Variants in OXCT1 observed in about 807,000 individuals in gnomAD.
OXCT1 encodes 3-oxoacid CoA-transferase 1.
OXCT1 carries 27 observed loss-of-function variants against 69.6 expected under a neutral mutation model. The ratio of observed to expected loss-of-function variants is 0.39; its 90% CI spans 0.29 to 0.54. OXCT1 has a LOEUF of 0.54. Among genes scored for constraint, OXCT1 ranks in the 20% least tolerant of loss-of-function variants. The pLI, the probability that OXCT1 is intolerant of heterozygous loss-of-function variation, is 0.72. For missense variants in OXCT1, 437 were observed against 650.2 expected (o/e 0.67, Z 3.57); for synonymous variants, 202 against 217.8 (o/e 0.93, Z 0.64).
At chr5:41,775,731 G>T (rs887626535) in intron 13 of OXCT1, among the ~76,000 whole-genome samples, 5 of 152,056 alleles carry the variant, frequency 3.3e-5, no homozygotes, top group African/African-American at 1.2e-4. Flanking sequence ...CTACTTAAGG[G>T]CCCACTGAGA....
At chr5:41,842,591 T>C in intron 6 of OXCT1, 84 bp downstream of exon 6, 6 of 974,712 alleles carry the variant, frequency 6.2e-6, no homozygotes, top group Non-Finnish European at 1.0e-5. Context: ...ATTACGAAAA[T>C]ACATTTTTAA....
chr5:41,857,436 G>C (rs1307155481), intron 3 of OXCT1, among the ~76,000 whole-genome samples: 2 of 152,110 alleles, frequency 1.3e-5, no homozygotes, highest in African/African-American at 4.8e-5. Flanking sequence ...TCCAACATCT[G>C]GACCTCAGAT....
At chr5:41,859,864 A>AATATATATATATATATATATATATATAT (rs3050894) in intron 3 of OXCT1, among the ~76,000 whole-genome samples, 3 of 120,108 alleles carry the variant, frequency 2.5e-5, no homozygotes, top group Non-Finnish European at 3.5e-5. Context: ...CTAGTATAGT[A>AATATATATATATATATATATATATATAT]ATATATATAT....
At chr5:41,787,179 A>T (rs577027467) in intron 13 of OXCT1, among the ~76,000 whole-genome samples, 1 of 152,358 alleles carries the variant, frequency 6.6e-6, no homozygotes, top group African/African-American at 2.4e-5. Flanking sequence ...ACTGACAAAG[A>T]TATTCTATTT....
intron 13 of OXCT1, among the ~76,000 whole-genome samples, chr5:41,767,234 T>C (rs2112122212): frequency 6.6e-6 from 1 of 152,316 alleles, no homozygotes; most frequent in South Asian, 2.1e-4. Flanking sequence ...TTTTCTGTGT[T>C]ACACTTTCTT....
intron 7 of OXCT1, among the ~76,000 whole-genome samples, chr5:41,828,987 T>C (rs1747955437): frequency 6.6e-6 from 1 of 152,140 alleles, no homozygotes; most frequent in Non-Finnish European, 1.5e-5. Context: ...TCAATCCTTG[T>C]AAGTAATAAC....
Position 41,731,411 on chromosome 5 carries a change from G to A in OXCT1, c.*318C>T. The A allele has an allele frequency of 9.5e-7, 1 of 1,057,764 alleles. No homozygotes were observed. 65.5% of individuals were successfully genotyped at this position (1,057,764 alleles called of 1,614,324 possible). A position where few individuals can be genotyped will look rare whatever the true frequency, so the allele number is the denominator to read the frequency against. On this transcript the variant is annotated 3_prime_UTR_variant, in exon 17 of 17. Transcript: ENST00000196371. The stretch of plus-strand genomic sequence containing the variant: ...AGAGGAAAGCCACATCAATTTCTAG[G>A]GCCCTTCTTGGGGAAAGGTTCATAT...
intron 11 of OXCT1, among the ~76,000 whole-genome samples, chr5:41,797,474 T>C (rs187029736): frequency 6.6e-6 from 1 of 152,232 alleles, no homozygotes; most frequent in East Asian, 1.9e-4. Context: ...AATGTCCAAG[T>C]TTGGTCAAGA....
chr5:41,731,499 A>T lies in OXCT1; in HGVS notation c.*230T>A. The T allele has an allele frequency of 1.1e-6, 1 of 893,386 alleles. No individual in the cohort carries two copies. Among genetic ancestry groups the T allele is most frequent in the Non-Finnish European group, 1.6e-6 (1 of 624,196 alleles). 55.3% of individuals were successfully genotyped at this position (893,386 alleles called of 1,614,324 possible). Reference sequence around the variant, plus strand: ...CAATATAATTACCTATTATAAAAACAACCTTCTCAGCCTTAACAAATGAGA... The same window carrying T: ...CAATATAATTACCTATTATAAAAACTACCTTCTCAGCCTTAACAAATGAGA... On this transcript the variant is annotated 3_prime_UTR_variant, in exon 17 of 17. Transcript: ENST00000196371.
In OXCT1 at chr5:41,842,728, AT is replaced by A; in HGVS notation, c.617del (p.Asp206ValfsTer5). On this transcript the variant is annotated frameshift_variant, in exon 6 of 17. Transcript: ENST00000196371. LOFTEE classifies it high-confidence loss of function. ...CCTTCCAGGCTTTCACCAAAGCAAA[AT>A]CCCCTGTAATTGCTTCCTCCAAAAT... ...HFILEEAITG[D>X]FALVKAWKAD... The A allele has an allele frequency of 6.2e-7, 1 of 1,613,890 alleles. No homozygotes were observed. Among genetic ancestry groups the A allele is most frequent in the Non-Finnish European group, 8.5e-7 (1 of 1,179,800 alleles).
intron 15 of OXCT1, among the ~76,000 whole-genome samples, chr5:41,744,692 CA>C (rs1450416974): frequency 1.3e-5 from 2 of 152,074 alleles, no homozygotes; most frequent in Non-Finnish European, 2.9e-5. Flanking sequence ...CGAATTTTGT[CA>C]AAGGCCTTTT....
At position 41,762,308 on chromosome 5, in the gene OXCT1, C is replaced by G; in HGVS notation, c.1249-108G>C. The G allele has an allele frequency of 1.1e-6, 1 of 869,946 alleles. No individual in the cohort carries two copies. 53.9% of individuals were successfully genotyped at this position (869,946 alleles called of 1,614,324 possible). The stretch of plus-strand genomic sequence containing the variant: ...ACTAGAATCATTAAAAACTCATTGT[C>G]CTTCATTGCTTAGTGCTTGAAGTTC... On this transcript the variant is annotated intron_variant, in intron 13 of 16. Transcript: ENST00000196371. This position sits in a 1 kb window ranked among gnomAD's most constrained non-coding sequence, Gnocchi z 4.0.
At chr5:41,752,875 A>G (rs1743863812) in intron 14 of OXCT1, among the ~76,000 whole-genome samples, 1 of 152,000 alleles carries the variant, frequency 6.6e-6, no homozygotes, top group Non-Finnish European at 1.5e-5. Flanking sequence ...CAGCTTCCCT[A>G]ATCTTTCTCT....
intron 15 of OXCT1, among the ~76,000 whole-genome samples, chr5:41,745,180 A>T (rs1039342967): frequency 3.9e-5 from 6 of 152,164 alleles, no homozygotes; most frequent in African/African-American, 1.4e-4. Context: ...TGTAAAAAAA[A>T]AACAAATTAT....
intron 7 of OXCT1, among the ~76,000 whole-genome samples, chr5:41,808,820 C>T (rs1746813810): frequency 6.6e-6 from 1 of 152,088 alleles, no homozygotes; most frequent in Admixed American, 6.6e-5. Flanking sequence ...CTGGTTGGAA[C>T]TTTCAGCCAT....
At position 41,851,659 on chromosome 5, in the gene OXCT1, C is replaced by A. The variant is rs367819797; in HGVS notation, c.415-1480G>T. 5.3e-5 allele frequency among the ~76,000 whole-genome samples: 8 copies of A among 151,800 alleles called. No homozygotes were observed. In the East Asian group the frequency reaches 1.4e-3, roughly 26 times the overall value. ...AGCTGCCAGAGCCAGTGTTTACTAA[C>A]GGGCCACTAAGTTGGGGAAGGAGAC... On this transcript the variant is annotated intron_variant, in intron 4 of 16. Coordinates refer to ENST00000196371, the MANE Select transcript of OXCT1 (RefSeq NM_000436.4).
intron 15 of OXCT1, among the ~76,000 whole-genome samples, chr5:41,748,166 T>C (rs996209059): frequency 1.6e-4 from 25 of 152,072 alleles, no homozygotes; most frequent in Non-Finnish European, 1.3e-4. Flanking sequence ...GAATAAATTG[T>C]TGTGTGCTAT....
intron 2 of OXCT1, 61 bp from the exon 3 acceptor site, chr5:41,861,465 G>T: frequency 1.0e-6 from 1 of 965,652 alleles, no homozygotes; most frequent in Non-Finnish European, 1.7e-6. Context: ...TTTCAGAGAA[G>T]TGTGTGTTAT....
intron 3 of OXCT1, among the ~76,000 whole-genome samples, chr5:41,858,561 T>G (rs1561134614): frequency 6.6e-6 from 1 of 152,158 alleles, no homozygotes; most frequent in Admixed American, 6.5e-5. Context: ...TTTCAAACAT[T>G]TTGGTGACTA....
Sources: allele counts gnomAD v4.1 joint callset (sites outside exome capture counted in the v4.1 genomes callset), GRCh38; gene constraint gnomAD v4.1.1; non-coding constraint Gnocchi (gnomAD v3.1); transcripts MANE v1.5; gene names NCBI Gene and HGNC (gene_info 2026-07-23, HGNC 2026-07-21).